The following CNTNAP2 variants were observed in gnomAD, a reference collection of about 807,000 sequenced individuals.
The protein encoded by CNTNAP2 is contactin-associated protein-like 2.
In CNTNAP2, 98 loss-of-function variants were observed where a neutral mutation model predicts 155.2. The ratio of observed to expected loss-of-function variants is 0.63; its 90% confidence interval spans 0.54 to 0.75. The LOEUF is 0.75. Ranked by LOEUF, CNTNAP2 falls within the 30% of genes least tolerant of loss-of-function variation. CNTNAP2 has a pLI of 0.00. For missense variants in CNTNAP2, 1,727 were observed against 1,688.1 expected (o/e 1.02, Z -0.40); for synonymous variants, 651 against 631.2 (o/e 1.03, Z -0.47).
At chr7:146,493,451 TTA>T (rs1350729007) in intron 1 of CNTNAP2, among the ~76,000 whole-genome samples, 1 of 152,138 alleles carries the variant, frequency 6.6e-6, no homozygotes, top group Non-Finnish European at 1.5e-5. Context: ...TTGAAAAAGG[TTA>T]TGTTTGCATT....
At chr7:146,843,319 A>G (rs1803778090) in intron 3 of CNTNAP2, among the ~76,000 whole-genome samples, 1 of 151,790 alleles carries the variant, frequency 6.6e-6, no homozygotes, top group African/African-American at 2.4e-5. Flanking sequence ...GCCCTGTCCC[A>G]CACTTTTAAA....
intron 1 of CNTNAP2, among the ~76,000 whole-genome samples, chr7:146,146,087 A>G (rs1016220475): frequency 5.3e-5 from 8 of 152,214 alleles, no homozygotes; most frequent in Admixed American, 3.3e-4. Context: ...GATGAGTACA[A>G]CTAAACCCCA....
At chr7:147,641,138 G>T (rs1034972294) in intron 13 of CNTNAP2, among the ~76,000 whole-genome samples, 1 of 151,180 alleles carries the variant, frequency 6.6e-6, no homozygotes, top group African/African-American at 2.5e-5. Context: ...AAGAGCGGGG[G>T]CTTTCCTGCT....
At chr7:148,253,746 G>T (rs1796411549) in intron 20 of CNTNAP2, among the ~76,000 whole-genome samples, 1 of 152,166 alleles carries the variant, frequency 6.6e-6, no homozygotes, top group African/African-American at 2.4e-5. Flanking sequence ...GTACTACTGG[G>T]CAGGTGTAAC....
At chr7:147,797,504 C>A (rs1411445988) in intron 13 of CNTNAP2, among the ~76,000 whole-genome samples, 1 of 152,064 alleles carries the variant, frequency 6.6e-6, no homozygotes, top group Non-Finnish European at 1.5e-5. Context: ...CATCCTCTGC[C>A]AGCATCCCCC....
At chr7:148,126,724 TCAAA>T (rs1456262985) in intron 16 of CNTNAP2, among the ~76,000 whole-genome samples, 3 of 152,058 alleles carry the variant, frequency 2.0e-5, no homozygotes, top group African/African-American at 7.2e-5. Context: ...GTCCTGGGGT[TCAAA>T]CAGTGACCAC....
At chr7:146,727,978 T>C (rs1801459803) in intron 1 of CNTNAP2, among the ~76,000 whole-genome samples, 1 of 152,106 alleles carries the variant, frequency 6.6e-6, no homozygotes. Context: ...CACCTGCTGT[T>C]ATGTTGTTGC....
chr7:147,255,430 C>G (rs575987627), intron 8 of CNTNAP2, among the ~76,000 whole-genome samples: 53 of 152,244 alleles, frequency 3.5e-4, no homozygotes, highest in African/African-American at 1.2e-3. Flanking sequence ...CCATGTTGAC[C>G]AGGCTGGTCT....
intron 13 of CNTNAP2, among the ~76,000 whole-genome samples, chr7:147,864,912 C>G (rs955104767): frequency 6.6e-6 from 1 of 152,068 alleles, no homozygotes; most frequent in African/African-American, 2.4e-5. Context: ...ATTGAATGCC[C>G]TTTATTTCTT....
At chr7:148,189,802 C>T (rs963230036) in intron 18 of CNTNAP2, 1 of 152,118 alleles carries the variant, frequency 6.6e-6, no homozygotes, top group Admixed American at 6.5e-5. Flanking sequence ...GCCCCTGGCA[C>T]CTCAGAAAGA....
chr7:147,272,516 C>T (rs12703888), intron 8 of CNTNAP2, among the ~76,000 whole-genome samples: 32,664 of 151,654 alleles, frequency 0.22, 3,913 homozygotes, highest in Non-Finnish European at 0.26. Flanking sequence ...TCTATTTTTT[C>T]GAGACAGAGT....
At chr7:146,312,587 A>G (rs951286496) in intron 1 of CNTNAP2, among the ~76,000 whole-genome samples, 2 of 152,196 alleles carry the variant, frequency 1.3e-5, no homozygotes, top group Admixed American at 6.5e-5. Context: ...TGAGAACATT[A>G]AAACTTTTTA....
At chr7:146,798,408 C>T (rs986715037) in intron 2 of CNTNAP2, among the ~76,000 whole-genome samples, 1 of 152,226 alleles carries the variant, frequency 6.6e-6, no homozygotes, top group East Asian at 1.9e-4. Flanking sequence ...GTGGTGTGAT[C>T]TTGGCTCACT....
At chr7:148,364,921 G>A (rs552496131) in intron 21 of CNTNAP2, among the ~76,000 whole-genome samples, 86 of 152,252 alleles carry the variant, frequency 5.6e-4, no homozygotes, top group African/African-American at 1.9e-3. Flanking sequence ...AACACTCACC[G>A]CGAAGGTCTG....
chr7:147,306,864 T>A (rs537751333), intron 9 of CNTNAP2, among the ~76,000 whole-genome samples: 1 of 152,128 alleles, frequency 6.6e-6, no homozygotes, highest in Non-Finnish European at 1.5e-5. Flanking sequence ...AATGAAATCA[T>A]TAAAGACTTT....
At position 148,040,193 on chromosome 7, in the gene CNTNAP2, C is replaced by T. The variant is rs954187884; in HGVS notation, c.2383+62204C>T. On this transcript the variant is annotated intron_variant, in intron 15 of 23. Coordinates refer to ENST00000361727, the MANE Select transcript of CNTNAP2 (RefSeq NM_014141.6). ...AATAAAACCATGTGCCCAAAATAAG[C>T]TTAGGGAAAAAATAACTGAAATAAA... Among the ~76,000 whole-genome samples, 11 of 152,174 alleles carry T rather than the reference C, an allele frequency of 7.2e-5. No homozygotes were observed. In the South Asian group the frequency reaches 2.3e-3, roughly 32 times the overall value.
chr7:147,841,566 G>A (rs192869469), intron 13 of CNTNAP2, among the ~76,000 whole-genome samples: 66 of 152,250 alleles, frequency 4.3e-4, no homozygotes, highest in Non-Finnish European at 8.1e-4. Context: ...AAGACCCTAC[G>A]CTACCTATTT....
chr7:146,638,482 T>C (rs1490454654), intron 1 of CNTNAP2, among the ~76,000 whole-genome samples: 1 of 90,892 alleles, frequency 1.1e-5, no homozygotes, highest in Non-Finnish European at 2.2e-5. Context: ...GTTTCTTTTT[T>C]TTTTTTTTTT....
intron 1 of CNTNAP2, among the ~76,000 whole-genome samples, chr7:146,489,270 TCA>T (rs1797104043): frequency 6.6e-6 from 1 of 152,200 alleles, no homozygotes; most frequent in Admixed American, 6.5e-5. Context: ...TTCATGATCC[TCA>T]GTCTCCTTTG....
Sources: gnomAD v4.1 joint callset for allele counts (sites outside exome capture counted in the v4.1 genomes callset) on GRCh38, gnomAD v4.1.1 for gene constraint, MANE v1.5 for transcripts, NCBI Gene and HGNC (gene_info 2026-07-23, HGNC 2026-07-21) for gene names.